TMEM63A: variants seen among roughly 807,000 people sequenced by gnomAD.
The protein encoded by TMEM63A is transmembrane protein 63A.
In TMEM63A, 76 loss-of-function variants were observed where a neutral mutation model predicts 100.6. That is an observed-to-expected ratio of 0.76 (90% CI 0.63 to 0.91). The LOEUF (loss-of-function observed/expected upper bound fraction) is 0.91. TMEM63A is among the 40% of genes least tolerant of loss of function. The pLI is 0.00. For missense variants in TMEM63A, 876 were observed against 1,008.8 expected (o/e 0.87, Z 1.78); for synonymous variants, 401 against 401.1 (o/e 1.00, Z 0.00).
chr1:225,845,704 C>T lies in TMEM63A; in HGVS notation c.*1235G>A. 2.6e-6 allele frequency: 1 copy of T among 391,026 alleles called. No homozygotes were observed. The highest frequency in any genetic ancestry group is 2.4e-5 in the South Asian group (1 of 41,106). 24.2% of individuals were successfully genotyped at this position (391,026 alleles called of 1,614,324 possible). The stretch of plus-strand genomic sequence containing the variant: ...GGCCACTGGCCAGGGCTATGCTGCA[C>T]CAGACCAATGGCACCGCCCCCACCC... On this transcript the variant is annotated 3_prime_UTR_variant, in exon 25 of 25. Coordinates refer to ENST00000366835, the MANE Select transcript of TMEM63A (RefSeq NM_014698.3).
At chr1:225,856,864 G>A (rs979342176) in intron 16 of TMEM63A, 47 bp downstream of exon 16, 1 of 1,596,114 alleles carries the variant, frequency 6.3e-7, no homozygotes, top group African/African-American at 1.3e-5. Context: ...GGAGCGGTCA[G>A]AGATATCCTT....
intron 6 of TMEM63A, among the ~76,000 whole-genome samples, chr1:225,869,666 C>CTTTTCTTTTCT (rs76862516): frequency 9.1e-6 from 1 of 109,908 alleles, no homozygotes; most frequent in African/African-American, 3.5e-5. Context: ...CTTTTCTTTT[C>CTTTTCTTTTCT]TTTTTTTTTT....
At chr1:225,856,529 C>T (rs1669625046) in intron 17 of TMEM63A, 123 bp downstream of exon 17, 7 of 921,912 alleles carry the variant, frequency 7.6e-6, no homozygotes, top group Non-Finnish European at 1.2e-5. Flanking sequence ...CGAGTGGTTG[C>T]GACAGGCTTA....
At chr1:225,855,742 C>T in intron 18 of TMEM63A, 136 bp downstream of exon 18, 1 of 833,250 alleles carries the variant, frequency 1.2e-6, no homozygotes. Flanking sequence ...AGGCCCCAAG[C>T]CCTGCTGTCT....
chr1:225,859,553 C>T lies in TMEM63A; in HGVS notation c.1224-204G>A. 3 of 638,780 alleles carry T rather than the reference C, an allele frequency of 4.7e-6. No homozygotes were observed. The South Asian group carries it at 6.2e-5, about 13-fold the overall frequency. The allele number at this position is 638,780 out of a possible 1,614,324, so 39.6% of individuals were successfully genotyped here. ...TATTCTCTCAGATGTGGCTCCCCAG[C>T]TAAAGTCTGGGGGCCAGAACCTACC... On this transcript the variant is annotated intron_variant, in intron 14 of 24. Transcript: ENST00000366835.
chr1:225,879,921 A>T (rs1671005660), intron 1 of TMEM63A, among the ~76,000 whole-genome samples: 1 of 152,190 alleles, frequency 6.6e-6, no homozygotes, highest in Admixed American at 6.5e-5. Context: ...TCACAGAGAG[A>T]GCATTGTCCC....
At chr1:225,842,264 C>G, downstream of TMEM63A, 1 of 905,428 alleles carries the variant, frequency 1.1e-6, no homozygotes, top group South Asian at 1.3e-5. Flanking sequence ...GCTTCCTGCA[C>G]ACAGCCCCGC....
rs766105426 is a variant in TMEM63A, at chr1:225,865,856, C to A, written c.746+41G>T. On this transcript the variant is annotated intron_variant, in intron 10 of 24. Coordinates refer to ENST00000366835, the MANE Select transcript of TMEM63A (RefSeq NM_014698.3). The surrounding 1 kb of genome is among the most constrained non-coding windows in gnomAD (Gnocchi z 4.6). ...TGCGGGTGGGGCTGTGTTGGTCCTA[C>A]GTGGAGGGGGCTCAGCTCCCCTCCC... 2 of 1,606,762 alleles carry A rather than the reference C, an allele frequency of 1.2e-6. No homozygotes were observed. Among genetic ancestry groups the A allele is most frequent in the Non-Finnish European group, 1.7e-6 (2 of 1,175,248 alleles).
chr1:225,869,667 T>TTTTC (rs1553492496), intron 6 of TMEM63A, among the ~76,000 whole-genome samples: 24 of 2,620 alleles, frequency 9.2e-3, no homozygotes, highest in Non-Finnish European at 0.018. Context: ...TTTTCTTTTC[T>TTTTC]TTTTTTTTTT....
intron 15 of TMEM63A, among the ~76,000 whole-genome samples, chr1:225,857,501 GACTTATT>G (rs541029205): frequency 7.3e-5 from 11 of 151,702 alleles, no homozygotes; most frequent in African/African-American, 2.7e-4. Context: ...TGAGCTGATT[GACTTATT>G]ACTGTCACTG....
intron 5 of TMEM63A, 89 bp downstream of exon 5, chr1:225,871,898 G>T: frequency 2.0e-6 from 2 of 998,116 alleles, no homozygotes; most frequent in South Asian, 1.4e-5. Flanking sequence ...AGCACTTGCC[G>T]CTCAAGATCC....
intron 20 of TMEM63A, among the ~76,000 whole-genome samples, chr1:225,851,254 C>G (rs1237766299): frequency 6.6e-6 from 1 of 152,238 alleles, no homozygotes; most frequent in African/African-American, 2.4e-5. Context: ...CTGCCCTCAT[C>G]ACAGTCAACA....
At chr1:225,848,661 G>T in intron 22 of TMEM63A, 107 bp from the exon 23 acceptor site, 1 of 1,243,162 alleles carries the variant, frequency 8.0e-7, no homozygotes, top group Non-Finnish European at 1.1e-6. Flanking sequence ...GTACCAGCTG[G>T]CACCAAGCTC....
chr1:225,852,109 C>T (rs867102704), intron 20 of TMEM63A, among the ~76,000 whole-genome samples: 13 of 152,226 alleles, frequency 8.5e-5, no homozygotes, highest in Non-Finnish European at 8.8e-5. Context: ...CAACCATGAA[C>T]GACATAGTCA....
rs201302061 is a variant in TMEM63A, at chr1:225,856,892, G to T, written c.1484+19C>A. The stretch of plus-strand genomic sequence containing the variant: ...ATATCCTTCTTAGGGGCAGGGCCTC[G>T]GGGCTCCCGGGCACTCACTTGGTCC... On this transcript the variant is annotated intron_variant, in intron 16 of 24. Transcript: ENST00000366835. 8.8e-5 allele frequency: 141 copies of T among 1,607,868 alleles called. 1 individual carries two copies. In the South Asian group the frequency reaches 1.5e-3, roughly 17 times the overall value.
At chr1:225,857,279 T>C (rs61835165) in intron 15 of TMEM63A, among the ~76,000 whole-genome samples, 6,539 of 151,924 alleles carry the variant, frequency 0.043, 202 homozygotes, top group Middle Eastern at 0.075. Flanking sequence ...ACTCCACTTA[T>C]CTGACTAACC....
In TMEM63A at chr1:225,862,390, A is replaced by C. The variant is rs1450559484; in HGVS notation, c.952-39T>G. On this transcript the variant is annotated intron_variant, in intron 12 of 24. Transcript: ENST00000366835. This position sits in a 1 kb window ranked among gnomAD's most constrained non-coding sequence, Gnocchi z 5.1. ...CATCCCATTGGGATGACGTGGCCCC[A>C]TGCTGGTATCTGGGGCACCCCGATG... 1.2e-6 allele frequency: 2 copies of C among 1,613,932 alleles called. No homozygotes were observed. Among genetic ancestry groups the C allele is most frequent in the East Asian group, 4.5e-5 (2 of 44,864 alleles).
chr1:225,873,552 T>G (rs895853470), intron 4 of TMEM63A, among the ~76,000 whole-genome samples: 10 of 152,130 alleles, frequency 6.6e-5, no homozygotes, highest in African/African-American at 2.2e-4. Flanking sequence ...CACAAGATCC[T>G]GGGTGCAAAC....
chr1:225,877,360 T>C (rs1266054617), intron 3 of TMEM63A, 35 bp downstream of exon 3: 1 of 1,579,590 alleles, frequency 6.3e-7, no homozygotes. Context: ...AACAAATAAC[T>C]GAGGCAGTGG....
Sources: allele counts gnomAD v4.1 joint callset (sites outside exome capture counted in the v4.1 genomes callset), GRCh38; gene constraint gnomAD v4.1.1; non-coding constraint Gnocchi (gnomAD v3.1); transcripts MANE v1.5; gene names NCBI Gene and HGNC (gene_info 2026-07-23, HGNC 2026-07-21).